Variants in DBT observed in about 807,000 individuals in gnomAD.
The protein encoded by DBT is lipoamide acyltransferase component of branched-chain alpha-keto acid dehydrogenase complex, mitochondrial.
A neutral mutation model predicts 51.3 loss-of-function variants in DBT; 40 were observed. That is an observed-to-expected ratio of 0.78 (90% CI 0.61 to 1.02). DBT has a LOEUF of 1.02. Ranked by LOEUF, DBT falls within the 50% of genes least tolerant of loss-of-function variation. The pLI, the probability that DBT is intolerant of heterozygous loss-of-function variation, is 0.00. For synonymous variants in DBT, 181 were observed against 190.4 expected, an observed-to-expected ratio of 0.95 and a Z score of 0.41; for missense variants, 510 against 580.2, an observed-to-expected ratio of 0.88 and a Z score of 1.24.
chr1:100,225,256 C>T (rs994741295), intron 4 of DBT, among the ~76,000 whole-genome samples: 2 of 151,680 alleles, frequency 1.3e-5, no homozygotes, highest in African/African-American at 2.4e-5. Flanking sequence ...GGCAACCACT[C>T]GTTGGTTTTC....
intron 7 of DBT, chr1:100,213,224 G>A: frequency 1.1e-6 from 1 of 909,780 alleles, no homozygotes; most frequent in East Asian, 3.8e-5. Flanking sequence ...GTCTGCCTCA[G>A]AGGGGCCCGA....
rs978271441 is a variant in DBT at position 100,191,858 on chromosome 1, C to G, written c.*4397G>C. ...GGAGCGCAATGGCACAATCTCAGCT[C>G]ACGGCAGCCTTTGCCCCCAGATGCA... is the stretch of plus-strand genomic sequence containing the variant. On this transcript the variant is annotated 3_prime_UTR_variant, in exon 11 of 11. Transcript: ENST00000370132. 6.6e-6 allele frequency: 1 copy of G among 152,432 alleles called. No individual in the cohort carries two copies. Among genetic ancestry groups the G allele is most frequent in the Non-Finnish European group, 1.5e-5 (1 of 68,370 alleles). 9.4% of individuals were successfully genotyped at this position (152,432 alleles called of 1,614,324 possible).
At chr1:100,199,458 G>A (rs1661304090) in intron 10 of DBT, among the ~76,000 whole-genome samples, 1 of 152,172 alleles carries the variant, frequency 6.6e-6, no homozygotes, top group South Asian at 2.1e-4. Flanking sequence ...TATTCATTAA[G>A]ACTCAATATC....
intron 8 of DBT, among the ~76,000 whole-genome samples, chr1:100,210,349 TAAG>T (rs544501157): frequency 0.024 from 3,013 of 127,706 alleles, 121 homozygotes; most frequent in East Asian, 0.12. Context: ...AGAAGAAGAA[TAAG>T]AATAATAATA....
At position 100,209,481 on chromosome 1, in the gene DBT, C is replaced by T. The variant is rs990863049; in HGVS notation, c.1017+1213G>A. 3.3e-5 allele frequency among the ~76,000 whole-genome samples: 5 copies of T among 152,258 alleles called. No individual in the cohort carries two copies. In the South Asian group the frequency reaches 1.0e-3, roughly 32 times the overall value. ...TTAAAATTAAAATTAATACAGCTGA[C>T]TGTATTAACCGTATGGGAGCTGACC... On this transcript the variant is annotated intron_variant, in intron 8 of 10. Transcript: ENST00000370132.
At chr1:100,215,138 T>G (rs1179655938) in intron 6 of DBT, among the ~76,000 whole-genome samples, 155 bp from the exon 7 acceptor site, 1 of 152,080 alleles carries the variant, frequency 6.6e-6, no homozygotes, top group African/African-American at 2.4e-5. Flanking sequence ...TACATTACAC[T>G]GAAAGTCACT....
intron 4 of DBT, among the ~76,000 whole-genome samples, chr1:100,225,257 G>T (rs1185448734): frequency 6.6e-6 from 1 of 151,348 alleles, no homozygotes; most frequent in East Asian, 1.9e-4. Context: ...GCAACCACTC[G>T]TTGGTTTTCT....
rs149526077 is a variant in DBT, at chr1:100,193,278, C to G, written c.*2977G>C. On this transcript the variant is annotated 3_prime_UTR_variant, in exon 11 of 11. Transcript: ENST00000370132. ...TTTTCTATTCTTTAAGTGAGGAGGA[C>G]ATTTTTATTGATCATGTCATTATTC... 2.7e-3 allele frequency: 414 copies of G among 152,266 alleles called. No homozygotes were observed. Among genetic ancestry groups the G allele is most frequent in the African/African-American group, 9.5e-3 (393 of 41,552 alleles). The allele number at this position is 152,266 out of a possible 1,614,324, so 9.4% of individuals were successfully genotyped here.
At chr1:100,213,657 C>A (rs544923612) in intron 7 of DBT, 109 of 1,610,474 alleles carry the variant, frequency 6.8e-5, no homozygotes, top group Non-Finnish European at 8.2e-5. Flanking sequence ...AACTGTGGAG[C>A]CACCTTCGCT....
intron 4 of DBT, among the ~76,000 whole-genome samples, chr1:100,223,746 G>A (rs1186225309): frequency 6.6e-6 from 1 of 152,096 alleles, no homozygotes; most frequent in African/African-American, 2.4e-5. Flanking sequence ...GGGACTATAG[G>A]CATGAGTGAC....
chr1:100,240,928 A>AG (rs776563200), intron 1 of DBT, 44 bp from the exon 2 acceptor site: 7 of 1,584,016 alleles, frequency 4.4e-6, no homozygotes. Context: ...ATAAACAACC[A>AG]TACCGGCTTA....
chr1:100,213,515 G>A (rs1205080301), intron 7 of DBT: 2 of 1,544,656 alleles, frequency 1.3e-6, no homozygotes, highest in East Asian at 2.2e-5. Flanking sequence ...TATCGTGGTC[G>A]TGGGAGGCTG....
chr1:100,232,219 G>A (rs916047735), intron 3 of DBT, among the ~76,000 whole-genome samples: 1 of 152,220 alleles, frequency 6.6e-6, no homozygotes, highest in Non-Finnish European at 1.5e-5. Context: ...TATATTAAAT[G>A]CATTTTCAAC....
At chr1:100,234,629 G>A (rs541118105) in intron 3 of DBT, among the ~76,000 whole-genome samples, 320 of 152,212 alleles carry the variant, frequency 2.1e-3, no homozygotes, top group African/African-American at 6.7e-3. Context: ...ATCCTCATAT[G>A]ACACATTAAG....
chr1:100,201,428 T>C (rs565894678), intron 10 of DBT, among the ~76,000 whole-genome samples: 16 of 152,270 alleles, frequency 1.1e-4, no homozygotes, highest in African/African-American at 3.4e-4. Flanking sequence ...CTACGTTTGA[T>C]TGGTGTACCT....
intron 3 of DBT, among the ~76,000 whole-genome samples, chr1:100,233,388 C>T (rs1394068853): frequency 6.6e-6 from 1 of 152,148 alleles, no homozygotes; most frequent in African/African-American, 2.4e-5. Flanking sequence ...GTTTTATTTA[C>T]CCTTACCCAA....
chr1:100,205,383 T>C (rs1466708705), intron 10 of DBT, among the ~76,000 whole-genome samples: 1 of 152,000 alleles, frequency 6.6e-6, no homozygotes, highest in Non-Finnish European at 1.5e-5. Context: ...ATTAGAGAAA[T>C]GCAAATCAAA....
intron 1 of DBT, among the ~76,000 whole-genome samples, chr1:100,243,695 G>T (rs1162391883): frequency 6.6e-6 from 1 of 152,068 alleles, no homozygotes; most frequent in African/African-American, 2.4e-5. Flanking sequence ...ACGGGAAACT[G>T]ATGGGAAAGG....
At position 100,246,278 on chromosome 1, in the gene DBT, T is replaced by G. The variant is rs1202688888; in HGVS notation, c.51+3492A>C. Among the ~76,000 whole-genome samples, 8 of 151,968 alleles carry G rather than the reference T, an allele frequency of 5.3e-5. No individual in the cohort carries two copies. In the East Asian group the frequency reaches 1.4e-3, roughly 26 times the overall value. ...TCTCAAAAAAAATAAAAATAAAAAA[T>G]TAATAATTCAATATCACAACCAGGA... On this transcript the variant is annotated intron_variant, in intron 1 of 10. Transcript: ENST00000370132.
Sources: allele counts gnomAD v4.1 joint callset (sites outside exome capture counted in the v4.1 genomes callset), GRCh38; gene constraint gnomAD v4.1.1; transcripts MANE v1.5; gene names NCBI Gene and HGNC (gene_info 2026-07-23, HGNC 2026-07-21).